The following TET3 variants were observed in gnomAD, a reference collection of about 807,000 sequenced individuals.
TET3 encodes methylcytosine dioxygenase TET3.
A neutral mutation model predicts 141.4 loss-of-function variants in TET3; 19 were observed. The ratio of observed to expected loss-of-function variants is 0.13; its 90% CI spans 0.09 to 0.20. The LOEUF is 0.20. TET3 is among the 10% of genes least tolerant of loss of function. The pLI is 1.00. For missense variants in TET3, 1,874 were observed against 2,356.9 expected (o/e 0.80, Z 4.24); for synonymous variants, 1,043 against 980.9 (o/e 1.06, Z -1.18).
intron 4 of TET3, among the ~76,000 whole-genome samples, chr2:74,063,931 G>C (rs1268735732): frequency 2.0e-5 from 3 of 150,490 alleles, no homozygotes; most frequent in Admixed American, 1.3e-4. Flanking sequence ...GATTCTGAAA[G>C]AAGGGTAGAT....
rs927903251 is a variant in TET3, at chr2:73,984,943, T to TGCC, written c.-633_-631dup. Among the ~76,000 whole-genome samples the TGCC allele has an allele frequency of 2.7e-5, 4 of 146,140 alleles. No homozygotes were observed. Among genetic ancestry groups the TGCC allele is most frequent in the Non-Finnish European group, 4.6e-5 (3 of 65,768 alleles). On this transcript the variant is annotated 5_prime_UTR_variant, in exon 1 of 12. Transcript: ENST00000409262. This position sits in a 1 kb window ranked among gnomAD's most constrained non-coding sequence, Gnocchi z 5.6. ...CGGACGCCTTCATTGCTGCTGCTGC[T>TGCC]GCCGCCGCGGCCGCCGCTGCCTCTT... is the stretch of plus-strand genomic sequence containing the variant.
Position 74,093,525 on chromosome 2 carries a change from A to G in TET3, c.3130-4A>G. The G allele has an allele frequency of 1.9e-6, 3 of 1,604,962 alleles. No homozygotes were observed. Among genetic ancestry groups the G allele is most frequent in the Non-Finnish European group, 2.6e-6 (3 of 1,174,770 alleles). The stretch of plus-strand genomic sequence containing the variant: ...TGAGCACCTCTCCTTGGCTGTCTAC[A>G]CAGGTGACCAACGAGGAAATAGCGA... On this transcript the variant is annotated splice_polypyrimidine_tract_variant and splice_region_variant and intron_variant, in intron 9 of 11. Transcript: ENST00000409262. This position sits in a 1 kb window ranked among gnomAD's most constrained non-coding sequence, Gnocchi z 4.2.
chr2:73,994,614 TTTTCTTTC>T (rs935777591), intron 2 of TET3, among the ~76,000 whole-genome samples: 2,304 of 143,458 alleles, frequency 0.016, 89 homozygotes, highest in African/African-American at 0.048. Flanking sequence ...GGTCTATTTT[TTTTCTTTC>T]TTTCTTTCTT....
At chr2:74,086,331 A>G (rs1245705432) in intron 6 of TET3, among the ~76,000 whole-genome samples, 1 of 152,184 alleles carries the variant, frequency 6.6e-6, no homozygotes, top group Non-Finnish European at 1.5e-5. Flanking sequence ...CCCAGACCTC[A>G]GACCTGGATC....
rs914514623 is a variant in TET3, at chr2:74,103,976, A to T, written c.*1800A>T. 6.6e-6 allele frequency: 1 copy of T among 150,456 alleles called. No individual in the cohort carries two copies. The highest frequency in any genetic ancestry group is 2.1e-4 in the South Asian group (1 of 4,820). 9.3% of individuals were successfully genotyped at this position (150,456 alleles called of 1,614,324 possible). ...AGTTCCTGAGCTTCCGGGTGCCTTG[A>T]GTAAGAGCTGAGAACCGGCCTGCTG... On this transcript the variant is annotated 3_prime_UTR_variant, in exon 12 of 12. Transcript: ENST00000409262.
chr2:74,103,091 T>G lies in TET3; in HGVS notation c.*915T>G, dbSNP rs960840471. The G allele has an allele frequency of 6.6e-6, 1 of 152,334 alleles. No individual in the cohort carries two copies. The allele number at this position is 152,334 out of a possible 1,614,324, so 9.4% of individuals were successfully genotyped here. On this transcript the variant is annotated 3_prime_UTR_variant, in exon 12 of 12. Transcript: ENST00000409262. ...TGGAGTGCGAGGTTCTTAGGGGCCGTGCCCACCATGTTGCCAAGCCAATGC... is the reference window on the plus strand; with the variant it reads ...TGGAGTGCGAGGTTCTTAGGGGCCGGGCCCACCATGTTGCCAAGCCAATGC...
At chr2:74,074,563 CAG>C (rs1689387224) in intron 5 of TET3, among the ~76,000 whole-genome samples, 1 of 152,228 alleles carries the variant, frequency 6.6e-6, no homozygotes, top group African/African-American at 2.4e-5. Flanking sequence ...GTCTATGGCT[CAG>C]GGGCTGAGAG....
chr2:74,051,659 G>A (rs1687949598), intron 4 of TET3, among the ~76,000 whole-genome samples: 1 of 152,136 alleles, frequency 6.6e-6, no homozygotes, highest in Admixed American at 6.5e-5. Context: ...TCTGGTCTAG[G>A]CACCCTGCCA....
chr2:74,074,062 A>G (rs1201699137), intron 5 of TET3, among the ~76,000 whole-genome samples: 1 of 152,164 alleles, frequency 6.6e-6, no homozygotes, highest in Non-Finnish European at 1.5e-5. Context: ...AAACTACCTC[A>G]TAGGTGGAAT....
the TET3 span, chr2:74,122,094 TG>T: frequency 6.6e-6 from 1 of 151,956 alleles, no homozygotes; most frequent in Non-Finnish European, 1.5e-5. Flanking sequence ...AGAAAGTCAA[TG>T]AAATAAATAC....
chr2:74,019,092 C>T (rs1190512087), intron 3 of TET3, among the ~76,000 whole-genome samples: 1 of 152,024 alleles, frequency 6.6e-6, no homozygotes, highest in South Asian at 2.1e-4. Flanking sequence ...ACCCTCATCT[C>T]TACAAAAAAT....
At position 73,986,751 on chromosome 2, in the gene TET3, A is replaced by G. The variant is rs1684047274; in HGVS notation, c.303+45A>G. The G allele has an allele frequency of 4.1e-6, 5 of 1,228,374 alleles. No individual in the cohort carries two copies. The East Asian group carries it at 1.6e-4, about 39-fold the overall frequency. The allele number at this position is 1,228,374 out of a possible 1,614,324, so 76.1% of individuals were successfully genotyped here. A position where few individuals can be genotyped will look rare whatever the true frequency, so the allele number is the denominator to read the frequency against. On this transcript the variant is annotated intron_variant, in intron 2 of 11. Coordinates refer to ENST00000409262, the MANE Select transcript of TET3 (RefSeq NM_001287491.2). ...GCTACCCTGTTCCTTCCTCGAGGGC[A>G]CGGTGATCACGGGGGTCTTGTTCAA...
the TET3 span, among the ~76,000 whole-genome samples, chr2:74,119,301 C>A: frequency 6.7e-6 from 1 of 149,980 alleles, no homozygotes; most frequent in Non-Finnish European, 1.5e-5. Context: ...TGCAGTGAGC[C>A]GAGATCGCAC....
At chr2:74,053,251 C>CA (rs67034830) in intron 4 of TET3, among the ~76,000 whole-genome samples, 1 of 152,172 alleles carries the variant, frequency 6.6e-6, no homozygotes, top group Non-Finnish European at 1.5e-5. Context: ...AGTCCCCCCC[C>CA]AACCATCCTA....
At chr2:74,069,143 T>C (rs541416985) in intron 4 of TET3, among the ~76,000 whole-genome samples, 1 of 129,378 alleles carries the variant, frequency 7.7e-6, no homozygotes, top group East Asian at 2.0e-4. Flanking sequence ...GTGTATAGTT[T>C]AATTTTTTTT....
At chr2:74,023,715 A>G (rs1236466330) in intron 3 of TET3, among the ~76,000 whole-genome samples, 1 of 152,206 alleles carries the variant, frequency 6.6e-6, no homozygotes, top group African/African-American at 2.4e-5. Context: ...GACTTCTTGA[A>G]TATGTTTTCC....
chr2:74,110,038 CAGA>C (rs1219381619), downstream of TET3, among the ~76,000 whole-genome samples: 1 of 152,074 alleles, frequency 6.6e-6, no homozygotes, highest in Non-Finnish European at 1.5e-5. Context: ...AAAATTGCTA[CAGA>C]AGTGAAAGTG....
chr2:74,009,832 A>G (rs1482098829), intron 3 of TET3, among the ~76,000 whole-genome samples: 1 of 152,212 alleles, frequency 6.6e-6, no homozygotes, highest in Non-Finnish European at 1.5e-5. Context: ...ACAGCTGTCT[A>G]CTAGAATCAA....
intron 3 of TET3, among the ~76,000 whole-genome samples, chr2:74,041,703 A>G (rs1049543888): frequency 7.9e-5 from 12 of 152,158 alleles, no homozygotes; most frequent in African/African-American, 1.2e-4. Context: ...AAAATTTTTG[A>G]AAAAAACTGG....
Sources: allele counts gnomAD v4.1 joint callset (sites outside exome capture counted in the v4.1 genomes callset), GRCh38; gene constraint gnomAD v4.1.1; non-coding constraint Gnocchi (gnomAD v3.1); transcripts MANE v1.5; gene names NCBI Gene and HGNC (gene_info 2026-07-23, HGNC 2026-07-21).